NTRK2: variants seen among roughly 807,000 people sequenced by gnomAD.
The protein encoded by NTRK2 is BDNF/NT-3 growth factors receptor.
In NTRK2, 13 loss-of-function variants were observed where a neutral mutation model predicts 94.5. The observed-to-expected ratio is 0.14, with a 90% CI of 0.09 to 0.22. The LOEUF (loss-of-function observed/expected upper bound fraction) is 0.22, where lower values mean the gene tolerates loss of function less well. Ranked by LOEUF, NTRK2 falls within the 10% of genes least tolerant of loss-of-function variation. The pLI is 1.00. For missense variants in NTRK2, 639 were observed against 1,071.2 expected (o/e 0.60, Z 5.63); for synonymous variants, 372 against 407.4 (o/e 0.91, Z 1.05).
intron 16 of NTRK2, among the ~76,000 whole-genome samples, chr9:84,954,053 G>C (rs1318885426): frequency 6.6e-6 from 1 of 151,782 alleles, no homozygotes; most frequent in Non-Finnish European, 1.5e-5. Context: ...AGACAATTCT[G>C]GCTTTCTCAG....
chr9:84,901,209 A>ATTTTG (rs1380771985), intron 14 of NTRK2, among the ~76,000 whole-genome samples: 3 of 147,816 alleles, frequency 2.0e-5, no homozygotes, highest in Admixed American at 1.4e-4. Flanking sequence ...GTTTTGTTTT[A>ATTTTG]TTTTATTTTA....
intron 15 of NTRK2, among the ~76,000 whole-genome samples, chr9:84,942,037 T>A (rs912154442): frequency 1.3e-5 from 2 of 152,204 alleles, no homozygotes; most frequent in Admixed American, 1.3e-4. Context: ...ACTTGGTACA[T>A]AATTAAAGTC....
chr9:84,673,852 A>G (rs915662349), intron 2 of NTRK2, among the ~76,000 whole-genome samples: 3 of 152,234 alleles, frequency 2.0e-5, no homozygotes, highest in South Asian at 2.1e-4. Flanking sequence ...ATAGGTATGT[A>G]TCACGCCTGC....
chr9:84,780,870 G>T (rs1037840461), intron 12 of NTRK2, among the ~76,000 whole-genome samples: 12 of 152,096 alleles, frequency 7.9e-5, no homozygotes, highest in Non-Finnish European at 1.8e-4. Flanking sequence ...AAGTTTTCTG[G>T]CTTGGATGGG....
chr9:84,800,491 G>A (rs1299669604), intron 12 of NTRK2, among the ~76,000 whole-genome samples: 1 of 152,188 alleles, frequency 6.6e-6, no homozygotes. Context: ...GTGGGCCACC[G>A]TGCCTGGCCA....
At chr9:84,871,881 C>T in intron 14 of NTRK2, 1 of 1,613,086 alleles carries the variant, frequency 6.2e-7, no homozygotes, top group Non-Finnish European at 8.5e-7. Context: ...AAATCCATGC[C>T]TGATGGAGGA....
intron 12 of NTRK2, among the ~76,000 whole-genome samples, chr9:84,790,196 A>T (rs1022755998): frequency 2.7e-5 from 4 of 150,798 alleles, no homozygotes; most frequent in Non-Finnish European, 2.9e-5. Context: ...CGTTTAGTTT[A>T]AAAAAATGAA....
At chr9:84,675,914 G>A (rs954771984) in intron 2 of NTRK2, among the ~76,000 whole-genome samples, 1 of 152,160 alleles carries the variant, frequency 6.6e-6, no homozygotes, top group Admixed American at 6.5e-5. Context: ...GCTCTCTGGG[G>A]TGTCCAAAGG....
At chr9:84,860,696 A>G (rs925902944) in intron 12 of NTRK2, among the ~76,000 whole-genome samples, 1 of 152,166 alleles carries the variant, frequency 6.6e-6, no homozygotes, top group African/African-American at 2.4e-5. Context: ...CTAAGGGGGA[A>G]GAAAGAAAGT....
At chr9:84,910,318 C>T (rs916034557) in intron 14 of NTRK2, among the ~76,000 whole-genome samples, 1 of 152,128 alleles carries the variant, frequency 6.6e-6, no homozygotes, top group Non-Finnish European at 1.5e-5. Flanking sequence ...GCCATATTAC[C>T]TCAAAAGGCT....
chr9:84,684,572 T>C (rs1422337192), intron 2 of NTRK2, among the ~76,000 whole-genome samples: 1 of 152,202 alleles, frequency 6.6e-6, no homozygotes, highest in Non-Finnish European at 1.5e-5. Flanking sequence ...CCAAGTTGTT[T>C]TGCAAAGAGG....
chr9:85,006,888 G>A (rs1007253671), intron 17 of NTRK2, among the ~76,000 whole-genome samples: 4 of 152,206 alleles, frequency 2.6e-5, no homozygotes, highest in African/African-American at 9.7e-5. Context: ...GCTCCAAGGG[G>A]TATGTGCCCG....
intron 18 of NTRK2, 93 bp from the exon 19 acceptor site, chr9:85,021,159 A>T: frequency 9.2e-7 from 1 of 1,091,046 alleles, no homozygotes; most frequent in Non-Finnish European, 1.4e-6. Context: ...TTCTTTTGTA[A>T]AAGCCCTCTC....
upstream of NTRK2, chr9:84,669,223 T>C (rs1682037359): frequency 6.6e-6 from 1 of 152,550 alleles, no homozygotes; most frequent in African/African-American, 2.4e-5. The surrounding 1 kb of genome is among the most constrained non-coding windows in gnomAD (Gnocchi z 4.1). Flanking sequence ...CCCTCCCTTT[T>C]AGGCAGGGTG....
chr9:84,806,962 C>T (rs2071191604), intron 12 of NTRK2, among the ~76,000 whole-genome samples: 1 of 152,230 alleles, frequency 6.6e-6, no homozygotes, highest in African/African-American at 2.4e-5. Flanking sequence ...CCTTGGTGCC[C>T]CATCCACCAG....
At position 85,026,135 on chromosome 9, in the gene NTRK2, AAAAAAT is replaced by A; in HGVS notation, c.*4700_*4705del. 1 of 207,456 alleles carries A rather than the reference AAAAAAT, an allele frequency of 4.8e-6. No individual in the cohort carries two copies. The allele number at this position is 207,456 out of a possible 1,614,324, so 12.9% of individuals were successfully genotyped here. A position where few individuals can be genotyped will look rare whatever the true frequency, so the allele number is the denominator to read the frequency against. On this transcript the variant is annotated 3_prime_UTR_variant, in exon 19 of 19. Coordinates refer to ENST00000277120, the MANE Select transcript of NTRK2 (RefSeq NM_006180.6). The stretch of plus-strand genomic sequence containing the variant: ...GCACAAACACAAAGCAAAGCAAAAA[AAAAAAT>A]ATATATATATATATCTGTATATGTG...
chr9:84,756,532 C>T (rs1340775295), intron 12 of NTRK2, among the ~76,000 whole-genome samples: 4 of 152,294 alleles, frequency 2.6e-5, no homozygotes, highest in African/African-American at 7.2e-5. Context: ...AGGATAGTTT[C>T]GGCTATCAGT....
intron 12 of NTRK2, among the ~76,000 whole-genome samples, chr9:84,779,548 T>G (rs1348802094): frequency 6.6e-6 from 1 of 152,220 alleles, no homozygotes; most frequent in Non-Finnish European, 1.5e-5. Context: ...TGAGACAAAT[T>G]AGCTTCAAAA....
At chr9:84,812,522 G>C (rs2071924112) in intron 12 of NTRK2, 2 of 1,047,404 alleles carry the variant, frequency 1.9e-6, no homozygotes, top group Non-Finnish European at 2.3e-6. Flanking sequence ...TCATTACTTA[G>C]ATTCCGATCT....
Sources: allele counts gnomAD v4.1 joint callset (sites outside exome capture counted in the v4.1 genomes callset), GRCh38; gene constraint gnomAD v4.1.1; non-coding constraint Gnocchi (gnomAD v3.1); transcripts MANE v1.5; gene names NCBI Gene and HGNC (gene_info 2026-07-23, HGNC 2026-07-21).